KBTBD12: variants seen among roughly 807,000 people sequenced by gnomAD.
KBTBD12 encodes kelch repeat and BTB domain containing 12.
KBTBD12 carries 53 observed loss-of-function variants against 58.7 expected under a neutral mutation model. The ratio of observed to expected loss-of-function variants is 0.90; its 90% CI spans 0.72 to 1.14. The LOEUF (loss-of-function observed/expected upper bound fraction) is 1.14. Among genes scored for constraint, KBTBD12 ranks in the 50% most tolerant of loss-of-function variants. The pLI is 0.00. For synonymous variants in KBTBD12, 236 were observed against 259.8 expected (o/e 0.91, Z 0.88); for missense variants, 704 against 751.3 (o/e 0.94, Z 0.74).
chr3:127,928,040 G>A lies in KBTBD12; in HGVS notation c.1341+6G>A, dbSNP rs1196001371. On this transcript the variant is annotated splice_donor_region_variant and intron_variant, in intron 3 of 5. Transcript: ENST00000405109. ...TTGGAGGCTGGACCCCTCAGGTTAA[G>A]AAATTTCCTGTATACATAATTGGCA... The A allele has an allele frequency of 6.2e-7, 1 of 1,610,924 alleles. No individual in the cohort carries two copies. The highest frequency in any genetic ancestry group is 8.5e-7 in the Non-Finnish European group (1 of 1,177,530).
chr3:127,966,723 C>G (rs1412399556), intron 5 of KBTBD12, among the ~76,000 whole-genome samples: 1 of 151,990 alleles, frequency 6.6e-6, no homozygotes, highest in African/African-American at 2.4e-5. Context: ...AAAAATTTTC[C>G]CCCAAACTGA....
chr3:127,950,102 T>C (rs922956078), intron 4 of KBTBD12, among the ~76,000 whole-genome samples: 3 of 152,240 alleles, frequency 2.0e-5, no homozygotes, highest in South Asian at 2.1e-4. Context: ...TATTACTTTT[T>C]CAGTTTTTGA....
chr3:127,930,246 C>T lies in KBTBD12; in HGVS notation c.1455C>T (p.Phe485=), dbSNP rs1939673022. The change falls in exon 4 of 6, where the codon TTC becomes TTT. Residue 485 remains phenylalanine (F), a synonymous_variant. Transcript: ENST00000405109. ...CCATGAAGTACTCTAAGTACCGATT[C>T]AGTACAGCTGTAGTCAACAGTGAGA... is the stretch of plus-strand genomic sequence containing the variant. The part of the protein sequence containing the change: ...RAPMKYSKYR[F]STAVVNSEIY... 1 of 1,611,390 alleles carries T rather than the reference C, an allele frequency of 6.2e-7. No homozygotes were observed.
At chr3:127,970,882 G>A (rs1462346310) in intron 5 of KBTBD12, among the ~76,000 whole-genome samples, 6 of 151,132 alleles carry the variant, frequency 4.0e-5, no homozygotes, top group Admixed American at 3.3e-4. Context: ...GCACAACTCT[G>A]TGAATATACT....
chr3:127,964,470 T>TA (rs59832982), intron 5 of KBTBD12, among the ~76,000 whole-genome samples: 9,323 of 142,214 alleles, frequency 0.066, 361 homozygotes, highest in African/African-American at 0.11. Context: ...CATCTCTACT[T>TA]AAAAAAAAAA....
At chr3:127,972,429 ATG>A (rs3073943) in intron 5 of KBTBD12, among the ~76,000 whole-genome samples, 8,579 of 152,222 alleles carry the variant, frequency 0.056, 284 homozygotes, top group Middle Eastern at 0.11. Context: ...AGCCTGGCTG[ATG>A]TCTGTTGGGT....
chr3:127,972,908 G>A (rs1045641525), intron 5 of KBTBD12, among the ~76,000 whole-genome samples: 1 of 152,198 alleles, frequency 6.6e-6, no homozygotes, highest in African/African-American at 2.4e-5. Flanking sequence ...ATAATAGTTG[G>A]TTCAGTCAGA....
At chr3:127,918,018 T>A (rs1468285398) in intron 1 of KBTBD12, among the ~76,000 whole-genome samples, 1 of 152,068 alleles carries the variant, frequency 6.6e-6, no homozygotes, top group East Asian at 1.9e-4. Context: ...GAGACGCACC[T>A]GGGCAACACA....
At chr3:127,918,711 C>CA (rs56759676) in intron 1 of KBTBD12, among the ~76,000 whole-genome samples, 36,392 of 117,286 alleles carry the variant, frequency 0.31, 5,641 homozygotes, top group Non-Finnish European at 0.4. Context: ...GACTCCGTCT[C>CA]AAAAAAAAAA....
intron 4 of KBTBD12, among the ~76,000 whole-genome samples, chr3:127,950,889 T>C (rs1940188748): frequency 6.6e-6 from 1 of 151,844 alleles, no homozygotes; most frequent in Non-Finnish European, 1.5e-5. Flanking sequence ...AAAAGCCAGG[T>C]GTGGTGGCAG....
At chr3:127,927,089 AC>A (rs1302393570) in intron 2 of KBTBD12, among the ~76,000 whole-genome samples, 1 of 152,156 alleles carries the variant, frequency 6.6e-6, no homozygotes, top group Non-Finnish European at 1.5e-5. Context: ...GACCATATAT[AC>A]TAATGTCCCT....
At chr3:127,980,314 T>TTTTA (rs1308053754) in intron 5 of KBTBD12, among the ~76,000 whole-genome samples, 1 of 152,150 alleles carries the variant, frequency 6.6e-6, no homozygotes, top group Non-Finnish European at 1.5e-5. Context: ...CATTGGGTTA[T>TTTTA]TTTATTTATT....
chr3:127,975,815 T>C (rs1172017704), intron 5 of KBTBD12, among the ~76,000 whole-genome samples: 1 of 152,252 alleles, frequency 6.6e-6, no homozygotes, highest in Non-Finnish European at 1.5e-5. Context: ...CTTTGGACTT[T>C]AGGCAGCATT....
At chr3:127,950,858 C>G (rs982285065) in intron 4 of KBTBD12, among the ~76,000 whole-genome samples, 1 of 151,974 alleles carries the variant, frequency 6.6e-6, no homozygotes, top group Non-Finnish European at 1.5e-5. Flanking sequence ...ATGGTGAAAC[C>G]CTGTCTCTAC....
intron 4 of KBTBD12, among the ~76,000 whole-genome samples, chr3:127,940,476 G>A (rs1308654992): frequency 6.6e-6 from 1 of 152,050 alleles, no homozygotes; most frequent in Non-Finnish European, 1.5e-5. Context: ...AATAATCCAT[G>A]GGTTAAAGAC....
rs1939615936 is a variant in KBTBD12 at position 127,927,957 on chromosome 3, CT to C, written c.1266del (p.Pro423HisfsTer9). 8.1e-6 allele frequency: 13 copies of C among 1,612,854 alleles called. No homozygotes were observed. Among genetic ancestry groups the C allele is most frequent in the Non-Finnish European group, 9.3e-6 (11 of 1,179,144 alleles). ...GGACAATTGGAAAAGGGTGTCTCCC[CT>C]TCCACTGCAATTGGCATGTCATGCT... ...ERDNWKRVSP[L>X]PLQLACHAVV... On this transcript the variant is annotated frameshift_variant, in exon 3 of 6. Transcript: ENST00000405109. LOFTEE classifies it high-confidence loss of function.
At chr3:127,931,027 A>G (rs977861814) in intron 4 of KBTBD12, among the ~76,000 whole-genome samples, 3 of 152,148 alleles carry the variant, frequency 2.0e-5, no homozygotes, top group African/African-American at 7.2e-5. Flanking sequence ...ACAATGAGGC[A>G]GGGAGGTTGA....
chr3:127,943,280 T>C (rs569349550), intron 4 of KBTBD12, among the ~76,000 whole-genome samples: 1 of 152,338 alleles, frequency 6.6e-6, no homozygotes, highest in East Asian at 1.9e-4. Flanking sequence ...TTTTCCATAA[T>C]GGCCATACCA....
At chr3:127,974,813 C>T (rs1435386360) in intron 5 of KBTBD12, among the ~76,000 whole-genome samples, 1 of 152,114 alleles carries the variant, frequency 6.6e-6, no homozygotes, top group Non-Finnish European at 1.5e-5. Flanking sequence ...CCCATCTCTA[C>T]TAAAAATACA....
Sources: allele counts gnomAD v4.1 joint callset (sites outside exome capture counted in the v4.1 genomes callset), GRCh38; gene constraint gnomAD v4.1.1; transcripts MANE v1.5; gene names NCBI Gene and HGNC (gene_info 2026-07-23, HGNC 2026-07-21).